Variants in SLIT3 observed in about 807,000 individuals in gnomAD.
SLIT3 encodes the protein slit homolog 3 protein.
In SLIT3, 68 loss-of-function variants were observed where a neutral mutation model predicts 184.0. The ratio of observed to expected loss-of-function variants is 0.37; its 90% CI spans 0.30 to 0.45. The LOEUF is 0.45. Ranked by LOEUF, SLIT3 falls within the 20% of genes least tolerant of loss-of-function variation. The pLI is 1.00. For synonymous variants in SLIT3, 831 were observed against 828.6 expected (o/e 1.00, Z -0.05); for missense variants, 1,707 against 2,026.0 (o/e 0.84, Z 3.02).
Position 169,127,147 on chromosome 5 carries a change from A to G in SLIT3, c.413+66332T>C, listed in dbSNP as rs577839342. On this transcript the variant is annotated intron_variant, in intron 4 of 35. Transcript: ENST00000519560. ...CTCTCACACTCAGTCATCATCACAA[A>G]AAAAGGAAAAAGAAAATGTTTTATA... 9.4e-4 allele frequency among the ~76,000 whole-genome samples: 143 copies of G among 152,312 alleles called. 2 individuals carry two copies. The highest frequency in any genetic ancestry group is 2.8e-3 in the African/African-American group (115 of 41,554).
chr5:168,763,210 C>T (rs1755221104), intron 14 of SLIT3, among the ~76,000 whole-genome samples: 1 of 151,922 alleles, frequency 6.6e-6, no homozygotes. Flanking sequence ...CTTTATTACC[C>T]CAGCAGGTAA....
intron 12 of SLIT3, among the ~76,000 whole-genome samples, chr5:168,781,232 G>A (rs1755960190): frequency 6.6e-6 from 1 of 152,228 alleles, no homozygotes; most frequent in Non-Finnish European, 1.5e-5. Context: ...ACAGATGAAA[G>A]CTGAGATTCC....
At chr5:168,692,802 C>G in intron 28 of SLIT3, 102 bp from the exon 29 acceptor site, 1 of 773,098 alleles carries the variant, frequency 1.3e-6, no homozygotes, top group South Asian at 1.6e-5. Flanking sequence ...GAAGATCAGA[C>G]TCATCCAGCC....
At chr5:169,253,686 C>T (rs1765853272) in intron 1 of SLIT3, among the ~76,000 whole-genome samples, 1 of 152,094 alleles carries the variant, frequency 6.6e-6, no homozygotes, top group Admixed American at 6.5e-5. Flanking sequence ...TTAGTTGAAG[C>T]GCATCTCTCC....
At position 168,774,232 on chromosome 5, in the gene SLIT3, C is replaced by T. The variant is rs1307849514; in HGVS notation, c.1295+3G>A. On this transcript the variant is annotated splice_donor_region_variant and intron_variant, in intron 13 of 35. Transcript: ENST00000519560. ...CCACTGGCACCCGAGGCAGTGTACT[C>T]ACAGTGTCTGGATGGACTGCAGAGG... 6.2e-7 allele frequency: 1 copy of T among 1,603,666 alleles called. No homozygotes were observed. Among genetic ancestry groups the T allele is most frequent in the East Asian group, 2.2e-5 (1 of 44,710 alleles).
At chr5:168,993,040 T>G (rs892300362) in intron 4 of SLIT3, 1 of 152,174 alleles carries the variant, frequency 6.6e-6, no homozygotes, top group Non-Finnish European at 1.5e-5. Flanking sequence ...TCTGGGAGTG[T>G]GAGCTTCATG....
intron 20 of SLIT3, among the ~76,000 whole-genome samples, chr5:168,732,806 C>T (rs1352965680): frequency 2.0e-5 from 3 of 152,042 alleles, no homozygotes; most frequent in African/African-American, 7.2e-5. Context: ...TCACCATATA[C>T]AAAAATTAAC....
intron 29 of SLIT3, among the ~76,000 whole-genome samples, chr5:168,691,864 C>G (rs1761919342): frequency 6.6e-6 from 1 of 152,204 alleles, no homozygotes; most frequent in Non-Finnish European, 1.5e-5. Flanking sequence ...GTCTCACAAT[C>G]TTCTCTAGAA....
chr5:169,296,462 G>C (rs1767503481), intron 1 of SLIT3, among the ~76,000 whole-genome samples: 1 of 152,194 alleles, frequency 6.6e-6, no homozygotes, highest in Admixed American at 6.5e-5. Context: ...CCACTCAGCT[G>C]CTCCTTAGTC....
intron 25 of SLIT3, 143 bp from the exon 26 acceptor site, chr5:168,708,243 G>A: frequency 9.3e-7 from 1 of 1,070,700 alleles, no homozygotes; most frequent in Non-Finnish European, 1.4e-6. Flanking sequence ...GCTCTCCTCA[G>A]CCAGCACATC....
At chr5:168,772,599 A>G in intron 14 of SLIT3, 182 bp downstream of exon 14, 1 of 613,464 alleles carries the variant, frequency 1.6e-6, no homozygotes, top group Non-Finnish European at 2.9e-6. Flanking sequence ...TGTGTGTTTT[A>G]TTTTAAATCC....
chr5:169,049,311 AG>A (rs1352060095), intron 4 of SLIT3, among the ~76,000 whole-genome samples: 1 of 151,802 alleles, frequency 6.6e-6, no homozygotes, highest in Non-Finnish European at 1.5e-5. Context: ...GTGGTGGGGG[AG>A]GGGGTTCCTC....
At chr5:168,762,828 C>T in intron 14 of SLIT3, 139 bp from the exon 15 acceptor site, 1 of 797,004 alleles carries the variant, frequency 1.3e-6, no homozygotes, top group Non-Finnish European at 2.1e-6. Context: ...CACGGCATCG[C>T]CTTTGCTATA....
chr5:169,223,451 C>G (rs900928049), intron 3 of SLIT3, among the ~76,000 whole-genome samples: 1 of 152,180 alleles, frequency 6.6e-6, no homozygotes, highest in Admixed American at 6.5e-5. Flanking sequence ...CGTTTAGCAG[C>G]GTAGGTGTCC....
intron 4 of SLIT3, among the ~76,000 whole-genome samples, chr5:168,890,475 TA>T (rs1760410643): frequency 6.6e-6 from 1 of 152,198 alleles, no homozygotes; most frequent in African/African-American, 2.4e-5. Context: ...TGTCATAGAA[TA>T]ATCTTCTGAT....
intron 5 of SLIT3, among the ~76,000 whole-genome samples, chr5:168,856,812 C>CGT (rs1230995404): frequency 2.3e-4 from 29 of 128,488 alleles, no homozygotes; most frequent in Non-Finnish European, 3.8e-4. Flanking sequence ...TGTGTGCGCG[C>CGT]GCGCGCACGC....
chr5:169,111,414 G>A (rs1760404733), intron 4 of SLIT3, among the ~76,000 whole-genome samples: 1 of 152,216 alleles, frequency 6.6e-6, no homozygotes, highest in Non-Finnish European at 1.5e-5. Flanking sequence ...CATGAAAGTA[G>A]CCATAGAAGA....
chr5:169,153,107 T>C (rs1762175864), intron 4 of SLIT3, among the ~76,000 whole-genome samples: 1 of 152,188 alleles, frequency 6.6e-6, no homozygotes, highest in African/African-American at 2.4e-5. Context: ...GGATAAGACA[T>C]CACTTCGGCT....
At chr5:169,058,844 T>C (rs1240224652) in intron 4 of SLIT3, among the ~76,000 whole-genome samples, 2 of 152,182 alleles carry the variant, frequency 1.3e-5, no homozygotes. Flanking sequence ...ATGCCTCAGG[T>C]TTGGAAAATG....
Sources: gnomAD v4.1 joint callset for allele counts (sites outside exome capture counted in the v4.1 genomes callset) on GRCh38, gnomAD v4.1.1 for gene constraint, MANE v1.5 for transcripts, NCBI Gene and HGNC (gene_info 2026-07-23, HGNC 2026-07-21) for gene names.